The following BCR variants were observed in gnomAD, a reference collection of about 807,000 sequenced individuals.
BCR encodes BCR activator of RhoGEF and GTPase.
In BCR, 58 loss-of-function variants were observed where a neutral mutation model predicts 138.6. The ratio of observed to expected loss-of-function variants is 0.42; its 90% CI spans 0.34 to 0.52. The LOEUF (loss-of-function observed/expected upper bound fraction) is 0.52. BCR is among the 20% of genes least tolerant of loss of function. BCR has a pLI of 0.06. For synonymous variants in BCR, 786 were observed against 730.1 expected (o/e 1.08, Z -1.23); for missense variants, 1,599 against 1,727.2 (o/e 0.93, Z 1.32).
At chr22:23,255,567 C>A (rs1242285057) in intron 2 of BCR, among the ~76,000 whole-genome samples, 1 of 152,210 alleles carries the variant, frequency 6.6e-6, no homozygotes, top group Non-Finnish European at 1.5e-5. Flanking sequence ...AAGGCAATTT[C>A]TTTCCATCAT....
chr22:23,293,745 C>T (rs765070091), intron 15 of BCR, among the ~76,000 whole-genome samples: 39 of 152,182 alleles, frequency 2.6e-4, no homozygotes, highest in Non-Finnish European at 2.5e-4. Flanking sequence ...ACGTCCACCA[C>T]CCTCACTGTC....
At chr22:23,220,183 C>T (rs2072807009) in intron 1 of BCR, among the ~76,000 whole-genome samples, 1 of 152,220 alleles carries the variant, frequency 6.6e-6, no homozygotes, top group African/African-American at 2.4e-5. Flanking sequence ...CCACTTCACC[C>T]CTTGCATGGG....
Position 23,181,180 on chromosome 22 carries a change from C to G in BCR, c.220C>G (p.Arg74Gly), listed in dbSNP as rs774413004. Residue 74 changes from arginine to glycine, a missense_variant, in exon 1 of 23, where the codon CGA becomes GGA. Arg to Gly is a moderately radical substitution (Grantham distance 125). Transcript: ENST00000305877. ...AKEKKSYDRQ[R>G]WGFRRAAQAP... ...GGAAAAGAAGAGCTATGACCGGCAG[C>G]GATGGGGCTTCCGGCGCGCGGCGCA... 7.4e-7 allele frequency: 1 copy of G among 1,356,358 alleles called. No homozygotes were observed. Among genetic ancestry groups the G allele is most frequent in the East Asian group, 3.1e-5 (1 of 31,804 alleles). The allele number at this position is 1,356,358 out of a possible 1,614,324, so 84.0% of individuals were successfully genotyped here.
At chr22:23,220,752 A>G (rs2146231397) in intron 1 of BCR, among the ~76,000 whole-genome samples, 1 of 152,288 alleles carries the variant, frequency 6.6e-6, no homozygotes, top group East Asian at 1.9e-4. Context: ...TCCCATCTGT[A>G]AGATGGGGGT....
intron 8 of BCR, among the ~76,000 whole-genome samples, chr22:23,280,097 C>CCCA (rs2083568141): frequency 6.6e-6 from 1 of 152,198 alleles, no homozygotes; most frequent in African/African-American, 2.4e-5. Context: ...TCGCAAAGGC[C>CCCA]CCACCTCCAG....
chr22:23,309,386 C>T (rs1203301044), intron 16 of BCR, 38 bp from the exon 17 acceptor site: 2 of 1,510,816 alleles, frequency 1.3e-6, no homozygotes, highest in South Asian at 1.2e-5. Flanking sequence ...TCTGAACAGA[C>T]CCCAGGGCCT....
At chr22:23,232,074 C>CT (rs1755640098) in intron 1 of BCR, among the ~76,000 whole-genome samples, 1 of 152,254 alleles carries the variant, frequency 6.6e-6, no homozygotes, top group Admixed American at 6.5e-5. Flanking sequence ...GTGTGATCCT[C>CT]TAATTTTCTG....
chr22:23,202,277 G>A (rs1046047192), intron 1 of BCR, among the ~76,000 whole-genome samples: 33 of 151,606 alleles, frequency 2.2e-4, no homozygotes, highest in African/African-American at 8.0e-4. Flanking sequence ...AATGGGTTTT[G>A]GTATATTACA....
intron 19 of BCR, 170 bp downstream of exon 19, chr22:23,312,006 C>G: frequency 7.6e-7 from 1 of 1,322,538 alleles, no homozygotes; most frequent in Non-Finnish European, 1.0e-6. Flanking sequence ...GAAAAAGCCT[C>G]TGTAGAAACC....
chr22:23,205,368 T>C (rs947710098), intron 1 of BCR, among the ~76,000 whole-genome samples: 10 of 152,214 alleles, frequency 6.6e-5, no homozygotes, highest in Non-Finnish European at 1.5e-4. Flanking sequence ...GCACTTTGAC[T>C]CCTGAAGACC....
chr22:23,219,645 G>T (rs1443467610), intron 1 of BCR, among the ~76,000 whole-genome samples: 1 of 152,218 alleles, frequency 6.6e-6, no homozygotes, highest in Admixed American at 6.5e-5. Flanking sequence ...CACTGGCGGT[G>T]CGGGAGCACA....
chr22:23,181,890 C>T lies in BCR; in HGVS notation c.930C>T (p.Thr310=). The T allele has an allele frequency of 1.9e-6, 3 of 1,613,438 alleles. No individual in the cohort carries two copies. Among genetic ancestry groups the T allele is most frequent in the Non-Finnish European group, 2.5e-6 (3 of 1,179,942 alleles). The stretch of plus-strand genomic sequence containing the variant: ...CCTCTGAGCAGGAGAAGCGCCTTAC[C>T]TGGCCCCGCAGGTCCTACTCCCCCC... ...QSTSEQEKRL[T]WPRRSYSPRS... Residue 310 remains threonine (T), a synonymous_variant, in exon 1 of 23, where the codon ACC becomes ACT. Coordinates refer to ENST00000305877, the MANE Select transcript of BCR (RefSeq NM_004327.4).
Position 23,210,654 on chromosome 22 carries a change from A to G in BCR, c.1279+28415A>G, listed in dbSNP as rs116359851. 9.3e-3 allele frequency among the ~76,000 whole-genome samples: 1,413 copies of G among 152,252 alleles called. 17 individuals are homozygous for G. Among genetic ancestry groups the G allele is most frequent in the African/African-American group, 0.032 (1,333 of 41,530 alleles). On this transcript the variant is annotated intron_variant, in intron 1 of 22. Coordinates refer to ENST00000305877, the MANE Select transcript of BCR (RefSeq NM_004327.4). ...CTTGTTCCTTGTAGGCATTTCTCCT[A>G]CTTGCAGCCCACGACACCACTGATG... is the stretch of plus-strand genomic sequence containing the variant.
In BCR at chr22:23,181,876, G is replaced by C. The variant is rs1260335481; in HGVS notation, c.916G>C (p.Glu306Gln). The change falls in exon 1 of 23, where the codon GAG becomes CAG. Residue 306 changes from glutamate to glutamine, a missense_variant. Physicochemically the swap from Glu to Gln is conservative, Grantham distance 29. Around this residue, in one of 4 missense-constraint regions of BCR, gnomAD observed 806 missense variants for 635.0 expected, o/e 1.27. Transcript: ENST00000305877. ...GCGCAGCCAGAGCACCTCTGAGCAG[G>C]AGAAGCGCCTTACCTGGCCCCGCAG... ...LLRSQSTSEQ[E>Q]KRLTWPRRSY... 6.2e-7 allele frequency: 1 copy of C among 1,613,172 alleles called. No homozygotes were observed. Among genetic ancestry groups the C allele is most frequent in the Non-Finnish European group, 8.5e-7 (1 of 1,179,960 alleles).
chr22:23,231,506 C>CATAAAATAAAATAAAATAAA (rs57803042), intron 1 of BCR, among the ~76,000 whole-genome samples: 4,917 of 128,750 alleles, frequency 0.038, 147 homozygotes, highest in East Asian at 0.091. Flanking sequence ...GACCCCGTCT[C>CATAAAATAAAATAAAATAAA]ATAAAATAAA....
intron 14 of BCR, 124 bp downstream of exon 14, chr22:23,290,537 C>A (rs1194909217): frequency 1.2e-5 from 12 of 983,348 alleles, no homozygotes; most frequent in Non-Finnish European, 1.6e-6. Context: ...ACACCTTTGA[C>A]CCTGGCCGCT....
intron 10 of BCR, among the ~76,000 whole-genome samples, chr22:23,286,523 G>A (rs2073715459): frequency 6.6e-6 from 1 of 152,240 alleles, no homozygotes; most frequent in African/African-American, 2.4e-5. Context: ...GTGGGAGCCA[G>A]TGCTCAGGGC....
In BCR at chr22:23,287,172, G is replaced by T. The variant is rs772327952; in HGVS notation, c.2420G>T (p.Gly807Val). The change falls in exon 11 of 23, where the codon GGC becomes GTC. Residue 807 changes from glycine to valine, a missense_variant. Around this residue, in one of 4 missense-constraint regions of BCR, gnomAD observed 590 missense variants for 762.4 expected, o/e 0.77. Coordinates refer to ENST00000305877, the MANE Select transcript of BCR (RefSeq NM_004327.4). ...DIQREKRANK[G>V]SKATERLKKK... ...ATCTCCCCACAGAGGGCGAACAAGG[G>T]CAGCAAGGCTACGGAGAGGCTGAAG... 3.2e-6 allele frequency: 5 copies of T among 1,578,430 alleles called. 1 individual carries two copies. In the South Asian group the frequency reaches 3.5e-5, roughly 11 times the overall value.
At chr22:23,190,176 T>G (rs1418373690) in intron 1 of BCR, among the ~76,000 whole-genome samples, 1 of 152,040 alleles carries the variant, frequency 6.6e-6, no homozygotes, top group Non-Finnish European at 1.5e-5. Flanking sequence ...CCCTTCTTTT[T>G]TTGTTTTTGA....
Sources: allele counts gnomAD v4.1 joint callset (sites outside exome capture counted in the v4.1 genomes callset), GRCh38; gene constraint gnomAD v4.1.1; regional missense constraint gnomAD v4.1.1; transcripts MANE v1.5; gene names NCBI Gene and HGNC (gene_info 2026-07-23, HGNC 2026-07-21).